The following IMMP2L variants were observed in gnomAD, a reference collection of about 807,000 sequenced individuals.
IMMP2L encodes inner mitochondrial membrane peptidase subunit 2, also known as mitochondrial inner membrane protease subunit 2.
In IMMP2L, 18 loss-of-function variants were observed where a neutral mutation model predicts 19.3. The observed-to-expected ratio is 0.93, with a 90% CI of 0.64 to 1.38. IMMP2L has a LOEUF of 1.38. Ranked by LOEUF, IMMP2L falls within the 40% of genes most tolerant of loss-of-function variation. IMMP2L has a pLI of 0.00. For synonymous variants in IMMP2L, 76 were observed against 73.0 expected, an observed-to-expected ratio of 1.04 and a Z score of -0.21; for missense variants, 233 against 218.2, an observed-to-expected ratio of 1.07 and a Z score of -0.43.
At chr7:110,771,053 AG>A (rs1166652577) in intron 5 of IMMP2L, among the ~76,000 whole-genome samples, 1 of 152,108 alleles carries the variant, frequency 6.6e-6, no homozygotes, top group Non-Finnish European at 1.5e-5. Flanking sequence ...TGACAGGAAA[AG>A]GGGGAAGACA....
intron 3 of IMMP2L, among the ~76,000 whole-genome samples, chr7:111,001,354 A>G (rs1253562796): frequency 6.6e-6 from 1 of 152,178 alleles, no homozygotes; most frequent in Non-Finnish European, 1.5e-5. Flanking sequence ...TTCAACTTAC[A>G]TGTTTTAATA....
At chr7:111,075,535 G>C (rs2129575798) in intron 3 of IMMP2L, among the ~76,000 whole-genome samples, 1 of 152,234 alleles carries the variant, frequency 6.6e-6, no homozygotes, top group East Asian at 1.9e-4. Context: ...GAAATTGCAG[G>C]AACATTTAGA....
At chr7:111,500,567 G>C (rs925969009) in intron 2 of IMMP2L, among the ~76,000 whole-genome samples, 3 of 152,176 alleles carry the variant, frequency 2.0e-5, no homozygotes, top group African/African-American at 7.2e-5. Context: ...AGTACGGGCA[G>C]ACTGACACCT....
chr7:110,913,638 A>T (rs1813287412), intron 4 of IMMP2L, among the ~76,000 whole-genome samples: 1 of 152,164 alleles, frequency 6.6e-6, no homozygotes, highest in South Asian at 2.1e-4. Context: ...TTCTCAACAT[A>T]AGCTCCATCA....
At chr7:111,003,331 GCTAT>G (rs968849171) in intron 3 of IMMP2L, among the ~76,000 whole-genome samples, 21 of 152,038 alleles carry the variant, frequency 1.4e-4, no homozygotes, top group Non-Finnish European at 2.6e-4. Flanking sequence ...AAATTATAAA[GCTAT>G]CTGTTTATGA....
At chr7:111,478,187 A>G (rs951307513) in intron 3 of IMMP2L, among the ~76,000 whole-genome samples, 1 of 151,938 alleles carries the variant, frequency 6.6e-6, no homozygotes, top group Non-Finnish European at 1.5e-5. Flanking sequence ...CCTCCCATGC[A>G]CTATTCTATA....
At chr7:111,160,230 A>T in intron 3 of IMMP2L, among the ~76,000 whole-genome samples, 1 of 152,218 alleles carries the variant, frequency 6.6e-6, no homozygotes, top group Non-Finnish European at 1.5e-5. Context: ...TGCCATAAGT[A>T]TGTTTGTATT....
chr7:111,359,582 G>GT (rs1166337333), intron 3 of IMMP2L, among the ~76,000 whole-genome samples: 3 of 151,952 alleles, frequency 2.0e-5, no homozygotes, highest in East Asian at 1.9e-4. Context: ...AATTACAGAC[G>GT]TAAGTCACCG....
At chr7:111,210,482 T>G (rs1422492717) in intron 3 of IMMP2L, among the ~76,000 whole-genome samples, 11 of 152,192 alleles carry the variant, frequency 7.2e-5, no homozygotes, top group Non-Finnish European at 1.0e-4. Context: ...CTTAGAAAAC[T>G]CTAAGGACTA....
At chr7:111,090,123 T>TTAAGG (rs1229147991) in intron 3 of IMMP2L, among the ~76,000 whole-genome samples, 1 of 152,256 alleles carries the variant, frequency 6.6e-6, no homozygotes, top group East Asian at 1.9e-4. Context: ...AGTATACTAA[T>TTAAGG]TAAGGTTGTA....
At chr7:110,742,237 T>C (rs536221690) in intron 5 of IMMP2L, among the ~76,000 whole-genome samples, 1 of 152,340 alleles carries the variant, frequency 6.6e-6, no homozygotes, top group Non-Finnish European at 1.5e-5. Context: ...TAAAAATGTG[T>C]TTATAGCAAC....
At chr7:111,103,686 A>G (rs942516623) in intron 3 of IMMP2L, among the ~76,000 whole-genome samples, 5 of 151,728 alleles carry the variant, frequency 3.3e-5, no homozygotes, top group Admixed American at 3.3e-4. Flanking sequence ...ACTTCTTAAT[A>G]TGATAGTGAT....
intron 3 of IMMP2L, among the ~76,000 whole-genome samples, chr7:111,037,039 T>C (rs1791423174): frequency 6.6e-6 from 1 of 152,164 alleles, no homozygotes; most frequent in Admixed American, 6.5e-5. Context: ...GATCCCTCCC[T>C]CTTAGCTAGT....
At chr7:111,152,585 C>T (rs1172189067) in intron 3 of IMMP2L, among the ~76,000 whole-genome samples, 2 of 152,050 alleles carry the variant, frequency 1.3e-5, no homozygotes, top group African/African-American at 4.8e-5. Flanking sequence ...TTGTCATCCT[C>T]CCTAATAAAT....
chr7:110,851,702 A>C (rs1806241625), intron 5 of IMMP2L, among the ~76,000 whole-genome samples: 1 of 152,134 alleles, frequency 6.6e-6, no homozygotes, highest in Non-Finnish European at 1.5e-5. Context: ...ATTATGACAC[A>C]AAAGCCTTTA....
At chr7:110,688,999 C>T (rs920930290) in intron 5 of IMMP2L, among the ~76,000 whole-genome samples, 1 of 149,432 alleles carries the variant, frequency 6.7e-6, no homozygotes, top group Non-Finnish European at 1.5e-5. Context: ...CTTCTTAAGA[C>T]TTTAAGGCAG....
chr7:110,902,886 T>C lies in IMMP2L; in HGVS notation c.306-16191A>G, dbSNP rs1186587366. 4.4e-5 allele frequency among the ~76,000 whole-genome samples: 5 copies of C among 112,796 alleles called. 1 individual carries two copies. The highest frequency in any genetic ancestry group is 6.8e-5 in the Non-Finnish European group (4 of 58,806). 74.0% of individuals were successfully genotyped at this position (112,796 alleles called of 152,430 possible). On this transcript the variant is annotated intron_variant, in intron 4 of 5. Coordinates refer to ENST00000405709, the MANE Select transcript of IMMP2L (RefSeq NM_032549.4). ...GGCGGAGCATGCAGTGAGCCGAGAT[T>C]GCGCCACTGCACTCCAGCCTGGGCG...
At chr7:111,538,090 C>A (rs1745871655) in intron 1 of IMMP2L, among the ~76,000 whole-genome samples, 1 of 152,068 alleles carries the variant, frequency 6.6e-6, no homozygotes, top group African/African-American at 2.4e-5. Flanking sequence ...ACTCTATGCT[C>A]CCCCTAGCAC....
chr7:111,146,327 A>C (rs1367143813), intron 3 of IMMP2L, among the ~76,000 whole-genome samples: 1 of 152,062 alleles, frequency 6.6e-6, no homozygotes, highest in East Asian at 1.9e-4. Context: ...AAAAGAGCTA[A>C]ATATTATTTT....
Sources: gnomAD v4.1 joint callset for allele counts (sites outside exome capture counted in the v4.1 genomes callset) on GRCh38, gnomAD v4.1.1 for gene constraint, MANE v1.5 for transcripts, NCBI Gene and HGNC (gene_info 2026-07-23, HGNC 2026-07-21) for gene names.